PPP1R13B: variants seen among roughly 807,000 people sequenced by gnomAD.
PPP1R13B encodes the protein apoptosis-stimulating of p53 protein 1.
PPP1R13B carries 44 observed loss-of-function variants against 119.8 expected under a neutral mutation model. The observed-to-expected ratio is 0.37, with a 90% CI of 0.29 to 0.47. PPP1R13B has a LOEUF of 0.47. Ranked by LOEUF, PPP1R13B falls within the 20% of genes least tolerant of loss-of-function variation. The pLI, the probability that PPP1R13B is intolerant of heterozygous loss-of-function variation, is 0.99. For missense variants in PPP1R13B, 1,227 were observed against 1,413.5 expected, an observed-to-expected ratio of 0.87 and a Z score of 2.12; for synonymous variants, 542 against 561.5, an observed-to-expected ratio of 0.97 and a Z score of 0.49.
chr14:103,847,485 C>T lies in PPP1R13B; in HGVS notation c.-178G>A, dbSNP rs2087081612. 1 of 986,320 alleles carries T rather than the reference C, an allele frequency of 1.0e-6. No individual in the cohort carries two copies. 61.1% of individuals were successfully genotyped at this position (986,320 alleles called of 1,614,324 possible). A position where few individuals can be genotyped will look rare whatever the true frequency, so the allele number is the denominator to read the frequency against. ...GGGCTCTCGCTGGCCCTGTCGCGGCCGCCGGCGCGCTGCGTCGCTGTCCCG... is the reference window on the plus strand; with the variant it reads ...GGGCTCTCGCTGGCCCTGTCGCGGCTGCCGGCGCGCTGCGTCGCTGTCCCG... On this transcript the variant is annotated 5_prime_UTR_variant, in exon 1 of 17. Coordinates refer to ENST00000202556, the MANE Select transcript of PPP1R13B (RefSeq NM_015316.3).
chr14:103,746,224 C>T lies in PPP1R13B; in HGVS notation c.1150+149G>A, dbSNP rs542029350. On this transcript the variant is annotated intron_variant, in intron 9 of 16. Transcript: ENST00000202556. Reference sequence around the variant, plus strand: ...ATTGTTACCACAGGGGAACACAGCTCTCCAAGCGCCTCACGGGGAGACTGA... The same window carrying T: ...ATTGTTACCACAGGGGAACACAGCTTTCCAAGCGCCTCACGGGGAGACTGA... 10 of 787,902 alleles carry T rather than the reference C, an allele frequency of 1.3e-5. No individual in the cohort carries two copies. The South Asian group carries it at 2.0e-4, about 15-fold the overall frequency. 48.8% of individuals were successfully genotyped at this position (787,902 alleles called of 1,614,324 possible).
chr14:103,792,440 G>A (rs1360491308), intron 2 of PPP1R13B, among the ~76,000 whole-genome samples: 6 of 152,148 alleles, frequency 3.9e-5, no homozygotes, highest in Non-Finnish European at 7.3e-5. Context: ...GGCCTCAAGT[G>A]CTGGGATTAC....
intron 1 of PPP1R13B, among the ~76,000 whole-genome samples, chr14:103,824,099 G>C (rs1183685699): frequency 1.5e-5 from 2 of 132,138 alleles, no homozygotes; most frequent in African/African-American, 5.7e-5. Context: ...AGACTGGAGT[G>C]CAGTGGCGCG....
chr14:103,735,952 T>C, intron 16 of PPP1R13B, 51 bp downstream of exon 16: 2 of 1,595,940 alleles, frequency 1.3e-6, no homozygotes, highest in Non-Finnish European at 1.7e-6. Flanking sequence ...GACCGCATGC[T>C]GTACAGAGAC....
intron 7 of PPP1R13B, among the ~76,000 whole-genome samples, chr14:103,751,170 CA>C (rs554542026): frequency 7.6e-4 from 116 of 152,234 alleles, no homozygotes; most frequent in Non-Finnish European, 1.5e-3. Context: ...ACAACAACAA[CA>C]AAAACAAACA....
intron 9 of PPP1R13B, among the ~76,000 whole-genome samples, chr14:103,743,652 T>C (rs1386131630): frequency 6.6e-6 from 1 of 152,226 alleles, no homozygotes; most frequent in Non-Finnish European, 1.5e-5. Flanking sequence ...AGAGGGACTC[T>C]TTTAGGCCCT....
chr14:103,758,271 A>T (rs1336516012), intron 4 of PPP1R13B, among the ~76,000 whole-genome samples: 2 of 152,252 alleles, frequency 1.3e-5, no homozygotes, highest in East Asian at 1.9e-4. Context: ...ATGTGAAATC[A>T]ACATGCAAAG....
At chr14:103,842,213 A>C (rs1233967142) in intron 1 of PPP1R13B, among the ~76,000 whole-genome samples, 1 of 152,078 alleles carries the variant, frequency 6.6e-6, no homozygotes, top group African/African-American at 2.4e-5. Context: ...GACAGAAATA[A>C]GTAGAATCAT....
In PPP1R13B at chr14:103,808,861, AT is replaced by A. The variant is rs1370120372; in HGVS notation, c.10-11344del. On this transcript the variant is annotated intron_variant, in intron 1 of 16. Transcript: ENST00000202556. ...CGAAGGCAGAGACAGCTATACACCC[AT>A]TTTTTTTAATGTTTCTTTTTTTTAG... is the stretch of plus-strand genomic sequence containing the variant. Among the ~76,000 whole-genome samples the A allele has an allele frequency of 9.2e-5, 14 of 151,790 alleles. No homozygotes were observed. The East Asian group carries it at 2.7e-3, about 29-fold the overall frequency.
chr14:103,789,509 T>A (rs2152031521), intron 2 of PPP1R13B, among the ~76,000 whole-genome samples: 1 of 148,528 alleles, frequency 6.7e-6, no homozygotes, highest in South Asian at 2.2e-4. Flanking sequence ...AACCACCGTG[T>A]CCGGCCAATT....
intron 4 of PPP1R13B, among the ~76,000 whole-genome samples, chr14:103,761,567 G>C (rs2084806216): frequency 6.6e-6 from 1 of 151,986 alleles, no homozygotes; most frequent in South Asian, 2.1e-4. Context: ...TTCAAGACCA[G>C]CCTGGCCAAC....
rs2084396131 is a variant in PPP1R13B at position 103,746,763 on chromosome 14, C to A, written c.970-210G>T. ...TGAGCAATTCTCCGACAACACCCACCCATCTGGAGCTGTACACATGAGGAG... is the reference window on the plus strand; with the variant it reads ...TGAGCAATTCTCCGACAACACCCACACATCTGGAGCTGTACACATGAGGAG... On this transcript the variant is annotated intron_variant, in intron 8 of 16. Coordinates refer to ENST00000202556, the MANE Select transcript of PPP1R13B (RefSeq NM_015316.3). The A allele has an allele frequency of 1.1e-5, 5 of 460,314 alleles. No homozygotes were observed. In the South Asian group the frequency reaches 1.3e-4, roughly 12 times the overall value. The allele number at this position is 460,314 out of a possible 1,614,324, so 28.5% of individuals were successfully genotyped here.
intron 4 of PPP1R13B, chr14:103,759,041 C>G (rs1270090894): frequency 2.0e-5 from 3 of 151,442 alleles, no homozygotes; most frequent in Non-Finnish European, 4.4e-5. Flanking sequence ...TCACTGCAAC[C>G]TCCGCCTCCT....
intron 3 of PPP1R13B, 98 bp downstream of exon 3, chr14:103,784,697 G>T: frequency 1.6e-6 from 2 of 1,259,530 alleles, no homozygotes; most frequent in Non-Finnish European, 2.1e-6. Flanking sequence ...GTAAGTGCAG[G>T]GCCGGGTGTG....
At position 103,834,559 on chromosome 14, in the gene PPP1R13B, C is replaced by T. The variant is rs191640346; in HGVS notation, c.9+12740G>A. On this transcript the variant is annotated intron_variant, in intron 1 of 16. Coordinates refer to ENST00000202556, the MANE Select transcript of PPP1R13B (RefSeq NM_015316.3). ...GGTCTGGAAAACAGAAAGCACTGCA[C>T]AGGGAAGGTAAATTTTAATGTCTTT... Among the ~76,000 whole-genome samples the T allele has an allele frequency of 8.8e-5, 13 of 147,414 alleles. No individual in the cohort carries two copies. In the East Asian group the frequency reaches 2.2e-3, roughly 25 times the overall value.
At position 103,739,811 on chromosome 14, in the gene PPP1R13B, C is replaced by A; in HGVS notation, c.2592+13G>T. The A allele has an allele frequency of 6.3e-7, 1 of 1,591,778 alleles. No homozygotes were observed. The highest frequency in any genetic ancestry group is 8.6e-7 in the Non-Finnish European group (1 of 1,167,914). On this transcript the variant is annotated intron_variant, in intron 12 of 16. Coordinates refer to ENST00000202556, the MANE Select transcript of PPP1R13B (RefSeq NM_015316.3). ...CCAGGAAGGCCAGGCTTTGGTCTAGCAATGACACCCACCGTGGAGGTGGCA... is the reference window on the plus strand; with the variant it reads ...CCAGGAAGGCCAGGCTTTGGTCTAGAAATGACACCCACCGTGGAGGTGGCA...
rs1409155178 is a variant in PPP1R13B at position 103,746,302 on chromosome 14, C to A, written c.1150+71G>T. 2.4e-5 allele frequency: 5 copies of A among 211,760 alleles called. 2 individuals are homozygous for A. Among genetic ancestry groups the A allele is most frequent in the Non-Finnish European group, 5.3e-5 (5 of 94,792 alleles). The allele number at this position is 211,760 out of a possible 1,614,324, so 13.1% of individuals were successfully genotyped here. On this transcript the variant is annotated intron_variant, in intron 9 of 16. Coordinates refer to ENST00000202556, the MANE Select transcript of PPP1R13B (RefSeq NM_015316.3). ...GAGCCTCAGGAGCCTGCCCCACCCC[C>A]CGCCCCTCCACCGCAGGCCCCATTC... is the stretch of plus-strand genomic sequence containing the variant.
chr14:103,735,348 G>T (rs1207944311), intron 16 of PPP1R13B, among the ~76,000 whole-genome samples, 153 bp from the exon 17 acceptor site: 3 of 152,158 alleles, frequency 2.0e-5, no homozygotes, highest in Non-Finnish European at 4.4e-5. Context: ...TCTACACTGA[G>T]ACCCACCCAG....
At chr14:103,805,057 G>A (rs779335813) in intron 1 of PPP1R13B, among the ~76,000 whole-genome samples, 8 of 151,918 alleles carry the variant, frequency 5.3e-5, no homozygotes, top group Non-Finnish European at 8.8e-5. Context: ...GGCTGGTCTC[G>A]AACTCCTGAG....
Sources: allele counts gnomAD v4.1 joint callset (sites outside exome capture counted in the v4.1 genomes callset), GRCh38; gene constraint gnomAD v4.1.1; transcripts MANE v1.5; gene names NCBI Gene and HGNC (gene_info 2026-07-23, HGNC 2026-07-21).